Variants in CSMD3 observed in about 807,000 individuals in gnomAD.
CSMD3 encodes the protein CUB and sushi domain-containing protein 3.
A neutral mutation model predicts 435.2 loss-of-function variants in CSMD3; 177 were observed. That is an observed-to-expected ratio of 0.41 (90% CI 0.36 to 0.46). The LOEUF (loss-of-function observed/expected upper bound fraction) is 0.46, where lower values mean the gene tolerates loss of function less well. CSMD3 is among the 20% of genes least tolerant of loss of function. The probability of loss-of-function intolerance (pLI) is 0.34; values close to 1 mark genes in which losing one functional copy is unlikely to be tolerated. For missense variants in CSMD3, 4,265 were observed against 4,504.6 expected (o/e 0.95, Z 1.52); for synonymous variants, 1,656 against 1,520.5 (o/e 1.09, Z -2.07).
At chr8:112,546,197 C>A in intron 27 of CSMD3, among the ~76,000 whole-genome samples, 1 of 152,138 alleles carries the variant, frequency 6.6e-6, no homozygotes, top group East Asian at 1.9e-4. Flanking sequence ...TAGGTTGGGA[C>A]ATATTCTGGA....
chr8:112,329,126 C>T (rs1329712225), intron 45 of CSMD3, among the ~76,000 whole-genome samples: 1 of 152,116 alleles, frequency 6.6e-6, no homozygotes, highest in African/African-American at 2.4e-5. Context: ...TGCCTTAGTG[C>T]TGAGCCCATT....
rs553543678 is a variant in CSMD3 at position 113,010,880 on chromosome 8, G to GA, written c.1030+8186dup. On this transcript the variant is annotated intron_variant, in intron 6 of 70. Coordinates refer to ENST00000297405, the MANE Select transcript of CSMD3 (RefSeq NM_198123.2). ...CTATGAAGATTAATCCAACTCCCTA[G>GA]AAAAAAATTGTATAAGGGATTCTCT... 6.6e-3 allele frequency among the ~76,000 whole-genome samples: 998 copies of GA among 151,390 alleles called. 12 individuals carry two copies. The highest frequency in any genetic ancestry group is 0.023 in the African/African-American group (957 of 41,448).
At chr8:113,425,744 C>A (rs2094632600) in intron 1 of CSMD3, among the ~76,000 whole-genome samples, 1 of 151,454 alleles carries the variant, frequency 6.6e-6, no homozygotes, top group Non-Finnish European at 1.5e-5. Context: ...TTTTAAAAGG[C>A]TGTAAAAAGA....
intron 30 of CSMD3, among the ~76,000 whole-genome samples, chr8:112,494,560 T>TTTCTTTCC (rs1821132365): frequency 7.5e-6 from 1 of 133,334 alleles, no homozygotes; most frequent in African/African-American, 2.8e-5. Flanking sequence ...TCTTTCTTTC[T>TTTCTTTCC]TTCTTTCTTT....
intron 38 of CSMD3, among the ~76,000 whole-genome samples, chr8:112,369,307 A>G (rs1380441790): frequency 6.6e-6 from 1 of 152,174 alleles, no homozygotes; most frequent in Non-Finnish European, 1.5e-5. Flanking sequence ...GCTTGAAAGG[A>G]ATAAAAAATT....
intron 2 of CSMD3, among the ~76,000 whole-genome samples, chr8:113,300,253 C>T (rs749209083): frequency 6.6e-6 from 1 of 151,910 alleles, no homozygotes; most frequent in Non-Finnish European, 1.5e-5. Context: ...AGTTCAACCT[C>T]TATGGAAAAC....
At chr8:112,564,010 C>G (rs995287922) in intron 24 of CSMD3, among the ~76,000 whole-genome samples, 1 of 151,990 alleles carries the variant, frequency 6.6e-6, no homozygotes, top group African/African-American at 2.4e-5. Flanking sequence ...GTGTGAAAAC[C>G]TAATCACCAC....
At chr8:112,817,863 C>A (rs1190439761) in intron 12 of CSMD3, among the ~76,000 whole-genome samples, 23 of 151,970 alleles carry the variant, frequency 1.5e-4, no homozygotes, top group Admixed American at 1.5e-3. Flanking sequence ...TTCTCTATTG[C>A]TAAATAATTT....
chr8:112,442,031 A>G (rs1298605396), intron 32 of CSMD3, among the ~76,000 whole-genome samples: 1 of 152,220 alleles, frequency 6.6e-6, no homozygotes, highest in African/African-American at 2.4e-5. Flanking sequence ...TATAAAGAAA[A>G]GAAGTTTATT....
intron 7 of CSMD3, among the ~76,000 whole-genome samples, chr8:112,971,470 A>T (rs1170065283): frequency 6.6e-6 from 1 of 152,136 alleles, no homozygotes; most frequent in African/African-American, 2.4e-5. Flanking sequence ...TTCCATTGGG[A>T]GAAAATACCT....
At chr8:112,866,449 A>C (rs183124598) in intron 10 of CSMD3, among the ~76,000 whole-genome samples, 13 of 152,274 alleles carry the variant, frequency 8.5e-5, no homozygotes, top group African/African-American at 2.9e-4. Context: ...ATTCTTGCCC[A>C]TTGAGGCCTT....
chr8:112,609,894 T>C (rs974496823), intron 22 of CSMD3, among the ~76,000 whole-genome samples: 37 of 152,104 alleles, frequency 2.4e-4, no homozygotes, highest in Admixed American at 2.6e-4. Context: ...CTGCAAGACA[T>C]TATGGTAAGT....
intron 3 of CSMD3, among the ~76,000 whole-genome samples, chr8:113,196,981 C>T (rs553171350): frequency 1.3e-5 from 2 of 150,908 alleles, no homozygotes; most frequent in African/African-American, 2.4e-5. Context: ...AATTTTCTTA[C>T]TTGTTTTATT....
chr8:112,515,412 A>AT (rs1337392804), intron 28 of CSMD3, among the ~76,000 whole-genome samples: 1 of 152,086 alleles, frequency 6.6e-6, no homozygotes, highest in Non-Finnish European at 1.5e-5. Flanking sequence ...TTAGTTGAAA[A>AT]TTTTTTGGTT....
chr8:112,370,947 G>C (rs1472166), intron 38 of CSMD3, among the ~76,000 whole-genome samples: 59,922 of 152,010 alleles, frequency 0.39, 13,293 homozygotes, highest in Middle Eastern at 0.54. Context: ...CAGGTAAAAA[G>C]GAAATGATAC....
intron 32 of CSMD3, among the ~76,000 whole-genome samples, chr8:112,428,733 T>C (rs1813345414): frequency 6.6e-6 from 1 of 152,104 alleles, no homozygotes; most frequent in Non-Finnish European, 1.5e-5. Context: ...ATATATGACA[T>C]GTATCACTTT....
chr8:113,292,987 TAG>T (rs2093696516), intron 2 of CSMD3, among the ~76,000 whole-genome samples: 1 of 151,880 alleles, frequency 6.6e-6, no homozygotes, highest in East Asian at 1.9e-4. Context: ...CATTTTGTTT[TAG>T]AGTCCCATTT....
At chr8:112,337,878 G>A (rs1319015288) in intron 42 of CSMD3, 147 bp from the exon 43 acceptor site, 1 of 598,254 alleles carries the variant, frequency 1.7e-6, no homozygotes, top group African/African-American at 1.9e-5. Context: ...GATAAATGCT[G>A]TCAATGACCT....
chr8:112,835,718 G>A (rs2080003694), intron 11 of CSMD3, among the ~76,000 whole-genome samples: 1 of 151,838 alleles, frequency 6.6e-6, no homozygotes, highest in Non-Finnish European at 1.5e-5. Flanking sequence ...CAGTTTCAGG[G>A]GCAACAGTGG....
Sources: gnomAD v4.1 joint callset for allele counts (sites outside exome capture counted in the v4.1 genomes callset) on GRCh38, gnomAD v4.1.1 for gene constraint, MANE v1.5 for transcripts, NCBI Gene and HGNC (gene_info 2026-07-23, HGNC 2026-07-21) for gene names.